The following COL21A1 variants were observed in gnomAD, a reference collection of about 807,000 sequenced individuals.
COL21A1 encodes the protein collagen alpha-1(XXI) chain.
COL21A1 carries 149 observed loss-of-function variants against 137.9 expected under a neutral mutation model. That is an observed-to-expected ratio of 1.08 (90% CI 0.95 to 1.24). COL21A1 has a LOEUF of 1.24. Ranked by LOEUF, COL21A1 falls within the 50% of genes most tolerant of loss-of-function variation. The pLI, the probability that COL21A1 is intolerant of heterozygous loss-of-function variation, is 0.00. For missense variants in COL21A1, 1,167 were observed against 1,158.4 expected (o/e 1.01, Z -0.11); for synonymous variants, 456 against 391.5 (o/e 1.16, Z -1.95).
intron 3 of COL21A1, among the ~76,000 whole-genome samples, chr6:56,177,107 T>C (rs1341310907): frequency 7.0e-6 from 1 of 143,786 alleles, no homozygotes; most frequent in Non-Finnish European, 1.5e-5. Flanking sequence ...GTAGTAGAAG[T>C]AGTAGTAGTA....
At chr6:56,310,664 C>T (rs1764590549) in intron 1 of COL21A1, among the ~76,000 whole-genome samples, 1 of 152,114 alleles carries the variant, frequency 6.6e-6, no homozygotes. Flanking sequence ...AGGCCACTTA[C>T]AAATACATGA....
Position 56,077,521 on chromosome 6 carries a change from A to ATACT in COL21A1, c.1857+4_1857+7dup, listed in dbSNP as rs766070668. 2.5e-6 allele frequency: 4 copies of ATACT among 1,569,918 alleles called. No individual in the cohort carries two copies. The highest frequency in any genetic ancestry group is 3.5e-6 in the Non-Finnish European group (4 of 1,154,056). The stretch of plus-strand genomic sequence containing the variant: ...CCAGGCCCAAAGCTAACTCTCATGA[A>ATACT]TACTTACCTTTTGGCCCATTAATCC... On this transcript the variant is annotated splice_region_variant and intron_variant, in intron 18 of 29. Transcript: ENST00000244728.
chr6:56,276,015 T>C (rs890035365), intron 1 of COL21A1, among the ~76,000 whole-genome samples: 3 of 152,190 alleles, frequency 2.0e-5, no homozygotes, highest in African/African-American at 7.2e-5. Context: ...ATGTGGTATA[T>C]ACACACCACA....
In COL21A1 at chr6:56,082,849, A is replaced by G. The variant is rs139239235; in HGVS notation, c.1813-5276T>C. Among the ~76,000 whole-genome samples the G allele has an allele frequency of 7.4e-3, 1,120 of 151,966 alleles. 16 individuals carry two copies. The highest frequency in any genetic ancestry group is 0.025 in the African/African-American group (1,048 of 41,508). ...AATTGTATCTAATCTAATATCTTCTATATCTTATTTATAACCTCATATTTT... is the reference window on the plus strand; with the variant it reads ...AATTGTATCTAATCTAATATCTTCTGTATCTTATTTATAACCTCATATTTT... On this transcript the variant is annotated intron_variant, in intron 17 of 29. Transcript: ENST00000244728.
chr6:56,149,134 A>C (rs1775082004), intron 10 of COL21A1, among the ~76,000 whole-genome samples: 1 of 152,238 alleles, frequency 6.6e-6, no homozygotes, highest in African/African-American at 2.4e-5. Flanking sequence ...TTTCACTGTA[A>C]ATAGCTCATT....
intron 1 of COL21A1, among the ~76,000 whole-genome samples, chr6:56,325,658 A>C (rs1265860385): frequency 2.5e-3 from 2 of 806 alleles, no homozygotes; most frequent in Admixed American, 0.062. Context: ...AATATATTAT[A>C]TATTAAATAT....
chr6:56,241,325 C>G (rs748664628), intron 1 of COL21A1, among the ~76,000 whole-genome samples: 3 of 152,086 alleles, frequency 2.0e-5, no homozygotes, highest in Non-Finnish European at 4.4e-5. Flanking sequence ...TTTCAAAAGC[C>G]AAATTGGCCG....
At chr6:56,367,695 A>G (rs575965599) in intron 1 of COL21A1, among the ~76,000 whole-genome samples, 64 of 152,266 alleles carry the variant, frequency 4.2e-4, no homozygotes, top group African/African-American at 1.5e-3. Context: ...AAGCTAATTC[A>G]TCTAGTTTTC....
At chr6:56,076,310 C>G (rs992177177) in intron 18 of COL21A1, among the ~76,000 whole-genome samples, 1 of 151,444 alleles carries the variant, frequency 6.6e-6, no homozygotes, top group Admixed American at 6.6e-5. Flanking sequence ...GTTAGGCTGA[C>G]AGGACACCCT....
intron 1 of COL21A1, among the ~76,000 whole-genome samples, chr6:56,346,073 A>C (rs968563435): frequency 6.6e-6 from 1 of 152,254 alleles, no homozygotes; most frequent in African/African-American, 2.4e-5. Flanking sequence ...TTTTTAAATT[A>C]TAATTTATAT....
chr6:56,138,572 A>C (rs1284887499), intron 12 of COL21A1, among the ~76,000 whole-genome samples: 1 of 152,066 alleles, frequency 6.6e-6, no homozygotes, highest in Non-Finnish European at 1.5e-5. Flanking sequence ...CCCAAGAAGG[A>C]GGGAATAGTC....
chr6:56,385,225 T>C (rs2094015719), intron 1 of COL21A1, among the ~76,000 whole-genome samples: 1 of 152,232 alleles, frequency 6.6e-6, no homozygotes. Context: ...GGTGATGTCA[T>C]ATGCTAAGAA....
chr6:56,061,823 C>G (rs764371422), intron 24 of COL21A1, 142 bp from the exon 25 acceptor site: 4 of 519,564 alleles, frequency 7.7e-6, no homozygotes, highest in South Asian at 4.4e-5. Flanking sequence ...AATTACAGAC[C>G]CTTTTTGCCT....
At chr6:56,295,630 A>ACT (rs56088552) in intron 1 of COL21A1, among the ~76,000 whole-genome samples, 127,877 of 151,698 alleles carry the variant, frequency 0.84, 55,889 homozygotes, top group South Asian at 0.97. Flanking sequence ...AGAGTTTTGT[A>ACT]CTTTTCCTCA....
intron 1 of COL21A1, among the ~76,000 whole-genome samples, chr6:56,210,683 G>C (rs896522255): frequency 6.6e-6 from 1 of 152,130 alleles, no homozygotes; most frequent in African/African-American, 2.4e-5. Context: ...ACCCTCTTCT[G>C]TGAATGGCTT....
chr6:56,313,727 A>T (rs1764664109), intron 1 of COL21A1, among the ~76,000 whole-genome samples: 1 of 152,086 alleles, frequency 6.6e-6, no homozygotes, highest in Non-Finnish European at 1.5e-5. Context: ...TAGCATAGCC[A>T]TTTGGATCCT....
At chr6:56,233,501 G>A (rs1781714327) in intron 1 of COL21A1, among the ~76,000 whole-genome samples, 1 of 151,532 alleles carries the variant, frequency 6.6e-6, no homozygotes, top group African/African-American at 2.4e-5. Flanking sequence ...ACTTAATAAT[G>A]GATATAGTTG....
intron 1 of COL21A1, among the ~76,000 whole-genome samples, chr6:56,340,690 C>T (rs6899444): frequency 0.66 from 100,590 of 152,026 alleles, 33,502 homozygotes; most frequent in South Asian, 0.81. Context: ...TAATACCTTA[C>T]TGAACACCTT....
chr6:56,270,131 T>C (rs1370665673), intron 1 of COL21A1, among the ~76,000 whole-genome samples: 1 of 152,138 alleles, frequency 6.6e-6, no homozygotes, highest in Admixed American at 6.5e-5. Flanking sequence ...AGTGGCAAGC[T>C]AAATAAAAAG....
Sources: allele counts gnomAD v4.1 joint callset (sites outside exome capture counted in the v4.1 genomes callset), GRCh38; gene constraint gnomAD v4.1.1; transcripts MANE v1.5; gene names NCBI Gene and HGNC (gene_info 2026-07-23, HGNC 2026-07-21).